Variants in DPP6 observed in about 807,000 individuals in gnomAD.
DPP6 encodes dipeptidyl peptidase like 6.
Under a neutral mutation model 122.6 loss-of-function variants are expected in DPP6, and 69 were observed. The observed-to-expected ratio is 0.56, with a 90% CI of 0.46 to 0.69. The LOEUF is 0.69. Among genes scored for constraint, DPP6 ranks in the 30% least tolerant of loss-of-function variants. The pLI is 0.00. For missense variants in DPP6, 928 were observed against 1,116.9 expected (o/e 0.83, Z 2.41); for synonymous variants, 418 against 433.1 (o/e 0.97, Z 0.43).
chr7:153,984,542 G>T (rs1796747799), intron 1 of DPP6, among the ~76,000 whole-genome samples: 2 of 152,110 alleles, frequency 1.3e-5, no homozygotes, highest in South Asian at 4.2e-4. Flanking sequence ...TGCAACTTCA[G>T]GGGGAATTCT....
At chr7:153,965,180 C>T (rs757936740) in intron 1 of DPP6, among the ~76,000 whole-genome samples, 13 of 151,868 alleles carry the variant, frequency 8.6e-5, no homozygotes, top group Non-Finnish European at 1.8e-4. Context: ...CAGTGTATCT[C>T]ATAATATTTA....
intron 16 of DPP6, among the ~76,000 whole-genome samples, chr7:154,824,365 T>G (rs1355546004): frequency 6.6e-6 from 1 of 152,220 alleles, no homozygotes; most frequent in Non-Finnish European, 1.5e-5. Flanking sequence ...CTGCAACCTC[T>G]GCCTCCCGGG....
chr7:154,298,591 G>A (rs1431216334), intron 1 of DPP6, among the ~76,000 whole-genome samples: 2 of 152,166 alleles, frequency 1.3e-5, no homozygotes, highest in South Asian at 2.1e-4. Context: ...AGATGTACCC[G>A]TGTTCTTTTA....
intron 1 of DPP6, among the ~76,000 whole-genome samples, chr7:153,932,725 GAACT>G (rs1801230620): frequency 6.6e-6 from 1 of 152,112 alleles, no homozygotes; most frequent in Non-Finnish European, 1.5e-5. Flanking sequence ...AACATTCAAT[GAACT>G]TTGCACAGGG....
chr7:153,827,809 C>T, the DPP6 span, among the ~76,000 whole-genome samples: 1 of 152,176 alleles, frequency 6.6e-6, no homozygotes, highest in African/African-American at 2.4e-5. Flanking sequence ...TCTACCCACA[C>T]AGTCAGGGGC....
At chr7:153,942,681 G>T (rs1801752432) in intron 1 of DPP6, among the ~76,000 whole-genome samples, 1 of 152,228 alleles carries the variant, frequency 6.6e-6, no homozygotes, top group African/African-American at 2.4e-5. Context: ...ACTCTTGCCA[G>T]AGCGGGCTGT....
upstream of DPP6, among the ~76,000 whole-genome samples, chr7:153,883,961 G>A (rs925031016): frequency 6.6e-6 from 1 of 152,282 alleles, no homozygotes; most frequent in Admixed American, 6.5e-5. Flanking sequence ...AGGAGAAAAT[G>A]TGTCTGCTAA....
At chr7:154,548,525 CAAAAA>C (rs200806772) in intron 4 of DPP6, among the ~76,000 whole-genome samples, 1 of 76,120 alleles carries the variant, frequency 1.3e-5, no homozygotes. Flanking sequence ...GACTCCATCT[CAAAAA>C]AAAAAAAAAA....
chr7:154,051,721 T>C (rs1800333694), upstream of DPP6, among the ~76,000 whole-genome samples: 1 of 150,866 alleles, frequency 6.6e-6, no homozygotes, highest in East Asian at 2.0e-4. Flanking sequence ...CCGGGCTCTC[T>C]GCGGGGCGCA....
intron 1 of DPP6, among the ~76,000 whole-genome samples, chr7:154,438,649 C>T (rs145382076): frequency 5.3e-5 from 8 of 151,926 alleles, no homozygotes; most frequent in Non-Finnish European, 1.0e-4. Flanking sequence ...ACCTTTTTGC[C>T]TTTGTCTCTT....
chr7:154,319,411 A>AGACT (rs1225260493), intron 1 of DPP6, among the ~76,000 whole-genome samples: 1 of 152,222 alleles, frequency 6.6e-6, no homozygotes, highest in Non-Finnish European at 1.5e-5. Flanking sequence ...ATGCAACATG[A>AGACT]GACTGGGCAT....
At chr7:154,427,830 G>C (rs1367316324) in intron 1 of DPP6, among the ~76,000 whole-genome samples, 1 of 152,164 alleles carries the variant, frequency 6.6e-6, no homozygotes, top group East Asian at 1.9e-4. Flanking sequence ...GGAATAAATA[G>C]GATAGCCAAG....
intron 1 of DPP6, among the ~76,000 whole-genome samples, chr7:154,331,611 A>G (rs1414804027): frequency 1.3e-5 from 2 of 152,228 alleles, no homozygotes; most frequent in Non-Finnish European, 2.9e-5. Context: ...GAAGGTATCC[A>G]CGAGGGAATA....
rs925010427 is a variant in DPP6, at chr7:154,402,984, T to C, written c.244-43230T>C. On this transcript the variant is annotated intron_variant, in intron 1 of 25. Transcript: ENST00000377770. ...CAAGGAACAACTATAGTTCTTAGTCTCAGAGGGATTTAGGCATTTGCCCAA... is the reference window on the plus strand; with the variant it reads ...CAAGGAACAACTATAGTTCTTAGTCCCAGAGGGATTTAGGCATTTGCCCAA... Among the ~76,000 whole-genome samples, 6 of 152,288 alleles carry C rather than the reference T, an allele frequency of 3.9e-5. No homozygotes were observed. In the South Asian group the frequency reaches 1.2e-3, roughly 32 times the overall value.
chr7:154,236,769 A>C (rs543345659), intron 1 of DPP6, among the ~76,000 whole-genome samples: 11 of 152,276 alleles, frequency 7.2e-5, no homozygotes, highest in African/African-American at 2.4e-4. Flanking sequence ...ATTGCTTTAC[A>C]TCCCTAATAA....
intron 7 of DPP6, among the ~76,000 whole-genome samples, chr7:154,716,937 G>C (rs1036691706): frequency 6.6e-6 from 1 of 152,024 alleles, no homozygotes; most frequent in Admixed American, 6.6e-5. Context: ...AGGTTCAAGC[G>C]ATTCTCCTGC....
At chr7:154,233,665 A>G (rs562163455) in intron 1 of DPP6, among the ~76,000 whole-genome samples, 15 of 152,290 alleles carry the variant, frequency 9.8e-5, no homozygotes, top group Non-Finnish European at 1.9e-4. Context: ...CCCACCAAAA[A>G]CTTGGAGAAG....
chr7:154,639,323 T>C (rs536763203), intron 6 of DPP6, among the ~76,000 whole-genome samples: 40 of 152,314 alleles, frequency 2.6e-4, no homozygotes, highest in African/African-American at 9.4e-4. Flanking sequence ...AAATTTTTCA[T>C]TAAAAGTATG....
intron 1 of DPP6, among the ~76,000 whole-genome samples, chr7:154,259,630 T>C (rs1012921676): frequency 3.3e-5 from 5 of 149,520 alleles, no homozygotes; most frequent in Non-Finnish European, 5.9e-5. Flanking sequence ...TACTGAGGAA[T>C]GTCACTGGAA....
Sources: allele counts gnomAD v4.1 joint callset (sites outside exome capture counted in the v4.1 genomes callset), GRCh38; gene constraint gnomAD v4.1.1; transcripts MANE v1.5; gene names NCBI Gene and HGNC (gene_info 2026-07-23, HGNC 2026-07-21).